Variants in PXDNL observed in about 807,000 individuals in gnomAD.
PXDNL encodes the protein peroxidasin like.
PXDNL carries 145 observed loss-of-function variants against 150.8 expected under a neutral mutation model. That is an observed-to-expected ratio of 0.96 (90% confidence interval 0.84 to 1.10). The LOEUF is 1.10. Among genes scored for constraint, PXDNL ranks in the 50% least tolerant of loss-of-function variants. The pLI, the probability that PXDNL is intolerant of heterozygous loss-of-function variation, is 0.00. For missense variants in PXDNL, 2,087 were observed against 1,873.9 expected (o/e 1.11, Z -2.10); for synonymous variants, 757 against 725.7 (o/e 1.04, Z -0.69).
chr8:51,564,241 T>A (rs1469721847), intron 3 of PXDNL, among the ~76,000 whole-genome samples: 1 of 151,998 alleles, frequency 6.6e-6, no homozygotes, highest in Non-Finnish European at 1.5e-5. Flanking sequence ...ACTCAAAGTC[T>A]AACGGGATTA....
intron 1 of PXDNL, among the ~76,000 whole-genome samples, chr8:51,718,390 G>A (rs1345924434): frequency 1.3e-5 from 2 of 152,180 alleles, no homozygotes; most frequent in Admixed American, 6.5e-5. Flanking sequence ...GTCTTTGGCT[G>A]TACTGGAGGT....
rs11312240 is a variant in PXDNL, at chr8:51,506,540, C to CAAAAA, written c.381-6775_381-6771dup. Among the ~76,000 whole-genome samples, 11 of 67,496 alleles carry CAAAAA rather than the reference C, an allele frequency of 1.6e-4. 1 individual carries two copies. Among genetic ancestry groups the CAAAAA allele is most frequent in the Middle Eastern group, 0.014 (1 of 74 alleles). The allele number at this position is 67,496 out of a possible 152,430, so 44.3% of individuals were successfully genotyped here. The stretch of plus-strand genomic sequence containing the variant: ...TGGGTGACAGAGTGAGACTCTGTCT[C>CAAAAA]AAAAAAAAAAAAAAAAAAAAAAAAA... On this transcript the variant is annotated intron_variant, in intron 4 of 22. Transcript: ENST00000356297.
At chr8:51,567,046 C>G (rs1812843843) in intron 3 of PXDNL, among the ~76,000 whole-genome samples, 1 of 151,706 alleles carries the variant, frequency 6.6e-6, no homozygotes, top group South Asian at 2.1e-4. Flanking sequence ...CAGCATGTTA[C>G]TTATAAATGT....
chr8:51,618,760 A>G lies in PXDNL; in HGVS notation c.237-26062T>C, dbSNP rs1253397323. ...AAGTTTGAATCCCAGATCCAGGTCC[A>G]CCCTCCTAGCCTGCAAAATGAGAAA... On this transcript the variant is annotated intron_variant, in intron 2 of 22. Coordinates refer to ENST00000356297, the MANE Select transcript of PXDNL (RefSeq NM_144651.5). 2.6e-5 allele frequency among the ~76,000 whole-genome samples: 4 copies of G among 152,212 alleles called. No homozygotes were observed. The East Asian group carries it at 7.7e-4, about 29-fold the overall frequency.
At chr8:51,522,727 C>A (rs1285702179) in intron 4 of PXDNL, among the ~76,000 whole-genome samples, 1 of 152,028 alleles carries the variant, frequency 6.6e-6, no homozygotes, top group East Asian at 1.9e-4. Flanking sequence ...GCCTGTAATC[C>A]CAGCTACTAG....
rs141303329 is a variant in PXDNL at position 51,363,894 on chromosome 8, A to G, written c.3901+7979T>C. 1.8e-3 allele frequency among the ~76,000 whole-genome samples: 268 copies of G among 152,306 alleles called. 2 individuals are homozygous for G. Among genetic ancestry groups the G allele is most frequent in the African/African-American group, 6.2e-3 (256 of 41,562 alleles). On this transcript the variant is annotated intron_variant, in intron 19 of 22. Coordinates refer to ENST00000356297, the MANE Select transcript of PXDNL (RefSeq NM_144651.5). Reference sequence around the variant, plus strand: ...CTGGAGAAATAGCCAGAGATAGGATACTTATTTCACTGGACAAGTTATAAA... The same window carrying G: ...CTGGAGAAATAGCCAGAGATAGGATGCTTATTTCACTGGACAAGTTATAAA...
Position 51,495,012 on chromosome 8 carries a change from T to C in PXDNL, c.452+4687A>G, listed in dbSNP as rs1477216229. Among the ~76,000 whole-genome samples, 5 of 152,150 alleles carry C rather than the reference T, an allele frequency of 3.3e-5. No individual in the cohort carries two copies. The East Asian group carries it at 5.8e-4, about 18-fold the overall frequency. On this transcript the variant is annotated intron_variant, in intron 5 of 22. Coordinates refer to ENST00000356297, the MANE Select transcript of PXDNL (RefSeq NM_144651.5). ...GCACCACACCACACCTATTCCAAAA[T>C]TGACCACATAGTTGGAAGTAAAGCA... is the stretch of plus-strand genomic sequence containing the variant.
At chr8:51,446,173 C>T (rs1181752172) in intron 12 of PXDNL, among the ~76,000 whole-genome samples, 1 of 152,202 alleles carries the variant, frequency 6.6e-6, no homozygotes, top group Non-Finnish European at 1.5e-5. Flanking sequence ...CCCAGTGCTT[C>T]TTCTCACACC....
At chr8:51,491,984 T>C (rs1810906383) in intron 5 of PXDNL, among the ~76,000 whole-genome samples, 1 of 151,986 alleles carries the variant, frequency 6.6e-6, no homozygotes, top group African/African-American at 2.4e-5. Context: ...TTCATATTCA[T>C]GATCACATGT....
At chr8:51,773,882 C>A (rs1305973412) in intron 1 of PXDNL, among the ~76,000 whole-genome samples, 1 of 152,130 alleles carries the variant, frequency 6.6e-6, no homozygotes, top group Non-Finnish European at 1.5e-5. Context: ...GTACAAAAAA[C>A]TGATTTGTAG....
At chr8:51,617,361 A>C (rs559386770) in intron 2 of PXDNL, among the ~76,000 whole-genome samples, 2 of 152,256 alleles carry the variant, frequency 1.3e-5, no homozygotes, top group Non-Finnish European at 2.9e-5. Flanking sequence ...ATGCAAATAA[A>C]GGATACAAAC....
At chr8:51,407,473 G>T (rs1052394726) in intron 17 of PXDNL, among the ~76,000 whole-genome samples, 1 of 152,078 alleles carries the variant, frequency 6.6e-6, no homozygotes, top group Non-Finnish European at 1.5e-5. Flanking sequence ...AGGAATGTTG[G>T]TGACCATGAG....
intron 19 of PXDNL, among the ~76,000 whole-genome samples, chr8:51,352,913 A>G (rs1375409262): frequency 6.6e-6 from 1 of 152,146 alleles, no homozygotes; most frequent in African/African-American, 2.4e-5. Context: ...GTACCCATGG[A>G]TAGACAGAGT....
intron 2 of PXDNL, among the ~76,000 whole-genome samples, chr8:51,615,312 T>C (rs560733792): frequency 2.0e-5 from 3 of 152,244 alleles, no homozygotes; most frequent in African/African-American, 7.2e-5. Flanking sequence ...GTTTTTTTTT[T>C]CATCAGTTTC....
At chr8:51,491,244 T>C (rs947442289) in intron 5 of PXDNL, among the ~76,000 whole-genome samples, 3 of 152,138 alleles carry the variant, frequency 2.0e-5, no homozygotes, top group African/African-American at 7.2e-5. Flanking sequence ...TAATATCCCT[T>C]AATAAACTCC....
intron 1 of PXDNL, among the ~76,000 whole-genome samples, chr8:51,771,726 G>C (rs2037297163): frequency 6.6e-6 from 1 of 152,294 alleles, no homozygotes; most frequent in Middle Eastern, 3.4e-3. Context: ...AAGAGAGACA[G>C]ACAGAAAGAG....
At chr8:51,366,888 G>T (rs1046964287) in intron 19 of PXDNL, among the ~76,000 whole-genome samples, 4 of 151,958 alleles carry the variant, frequency 2.6e-5, no homozygotes, top group African/African-American at 9.7e-5. Flanking sequence ...AGATCACAAG[G>T]TCAGGAGTTC....
chr8:51,578,172 A>T (rs1425987804), intron 3 of PXDNL, among the ~76,000 whole-genome samples: 1 of 151,682 alleles, frequency 6.6e-6, no homozygotes, highest in Non-Finnish European at 1.5e-5. Context: ...GAAAGAAGGA[A>T]AGAAAGAAAA....
At chr8:51,759,148 T>C (rs1332263425) in intron 1 of PXDNL, among the ~76,000 whole-genome samples, 2 of 152,122 alleles carry the variant, frequency 1.3e-5, no homozygotes, top group Admixed American at 1.3e-4. Context: ...TGCCCCCGCA[T>C]TGGTTGAAGA....
Sources: allele counts gnomAD v4.1 joint callset (sites outside exome capture counted in the v4.1 genomes callset), GRCh38; gene constraint gnomAD v4.1.1; transcripts MANE v1.5; gene names NCBI Gene and HGNC (gene_info 2026-07-23, HGNC 2026-07-21).